The following WDR75 variants were observed in gnomAD, a reference collection of about 807,000 sequenced individuals.
WDR75 encodes WD repeat domain 75.
Under a neutral mutation model 106.1 loss-of-function variants are expected in WDR75, and 52 were observed. That is an observed-to-expected ratio of 0.49 (90% CI 0.39 to 0.62). The LOEUF (loss-of-function observed/expected upper bound fraction) is 0.62, where lower values mean the gene tolerates loss of function less well. Among genes scored for constraint, WDR75 ranks in the 20% least tolerant of loss-of-function variants. The probability of loss-of-function intolerance (pLI) is 0.00; values close to 1 mark genes in which losing one functional copy is unlikely to be tolerated. For missense variants in WDR75, 905 were observed against 970.3 expected, an observed-to-expected ratio of 0.93 and a Z score of 0.89; for synonymous variants, 333 against 335.5, an observed-to-expected ratio of 0.99 and a Z score of 0.08.
intron 12 of WDR75, among the ~76,000 whole-genome samples, chr2:189,466,147 T>C (rs1414900726): frequency 6.6e-6 from 1 of 152,172 alleles, no homozygotes; most frequent in Non-Finnish European, 1.5e-5. Flanking sequence ...GTATCATTGA[T>C]TGGTGACCTG....
At chr2:189,464,053 A>T (rs1686952713) in intron 11 of WDR75, 92 bp downstream of exon 11, 3 of 1,023,080 alleles carry the variant, frequency 2.9e-6, no homozygotes, top group Non-Finnish European at 4.4e-6. Flanking sequence ...TTAAAACAAG[A>T]TCCTGTGCAT....
Position 189,468,577 on chromosome 2 carries a change from A to AT in WDR75, c.1723+14dup. 2 of 1,612,584 alleles carry AT rather than the reference A, an allele frequency of 1.2e-6. No individual in the cohort carries two copies. The highest frequency in any genetic ancestry group is 1.7e-6 in the Non-Finnish European group (2 of 1,178,922). ...ATCTGCTGAGCTGTGCATGTAAGAT[A>AT]TTTTTTACTCTAAAGTGATCTGGCA... is the stretch of plus-strand genomic sequence containing the variant. On this transcript the variant is annotated intron_variant, in intron 15 of 20. Coordinates refer to ENST00000314761, the MANE Select transcript of WDR75 (RefSeq NM_032168.3).
At chr2:189,472,888 C>A (rs1687143687) in intron 18 of WDR75, among the ~76,000 whole-genome samples, 1 of 150,824 alleles carries the variant, frequency 6.6e-6, no homozygotes, top group South Asian at 2.1e-4. Flanking sequence ...TGTATTCTTA[C>A]AATAAAGTAT....
chr2:189,457,924 C>CTTTTT (rs11395971), intron 6 of WDR75, among the ~76,000 whole-genome samples: 12 of 116,348 alleles, frequency 1.0e-4, no homozygotes, highest in Non-Finnish European at 1.5e-4. Flanking sequence ...GCCAAGATTG[C>CTTTTT]TTTTTTTTTT....
chr2:189,447,663 A>G (rs1020286507), intron 1 of WDR75, among the ~76,000 whole-genome samples: 1 of 152,212 alleles, frequency 6.6e-6, no homozygotes, highest in Non-Finnish European at 1.5e-5. Flanking sequence ...ACAAACAGTC[A>G]AGAGATATGA....
At chr2:189,464,989 A>G in intron 11 of WDR75, 90 bp from the exon 12 acceptor site, 1 of 987,300 alleles carries the variant, frequency 1.0e-6, no homozygotes. Context: ...GTTGTCTTGG[A>G]TGTAGTTAAT....
At chr2:189,455,520 G>T in intron 5 of WDR75, 76 bp downstream of exon 5, 1 of 1,508,756 alleles carries the variant, frequency 6.6e-7, no homozygotes, top group Non-Finnish European at 8.9e-7. Flanking sequence ...AGCATTTTAT[G>T]TTACAGTGAT....
intron 1 of WDR75, 112 bp from the exon 2 acceptor site, chr2:189,448,267 T>G: frequency 1.6e-6 from 2 of 1,231,116 alleles, no homozygotes; most frequent in Non-Finnish European, 2.2e-6. Context: ...GCGTATCACT[T>G]GAGGCCAGGA....
Position 189,466,200 on chromosome 2 carries a change from T to C in WDR75, c.1290-225T>C, listed in dbSNP as rs75505065. 3.5e-3 allele frequency among the ~76,000 whole-genome samples: 531 copies of C among 152,278 alleles called. 6 individuals are homozygous for C. The highest frequency in any genetic ancestry group is 0.012 in the African/African-American group (495 of 41,558). Reference sequence around the variant, plus strand: ...ACCAATGTACTAGTGGGTTGACTACTACACAGAATGTTCTCTAAAGTCACA... The same window carrying C: ...ACCAATGTACTAGTGGGTTGACTACCACACAGAATGTTCTCTAAAGTCACA... On this transcript the variant is annotated intron_variant, in intron 12 of 20. Transcript: ENST00000314761.
intron 2 of WDR75, chr2:189,449,140 C>A: frequency 2.8e-6 from 2 of 711,592 alleles, no homozygotes; most frequent in Non-Finnish European, 4.2e-6. Context: ...ATGAAATGGT[C>A]ATGTTAATTC....
chr2:189,472,339 C>T (rs1343207297), intron 18 of WDR75, among the ~76,000 whole-genome samples: 1 of 152,114 alleles, frequency 6.6e-6, no homozygotes, highest in Non-Finnish European at 1.5e-5. Flanking sequence ...CTGACTTTTT[C>T]TCTGAGTTAC....
chr2:189,462,413 G>A (rs1686908858), intron 8 of WDR75, 71 bp from the exon 9 acceptor site: 1 of 1,551,282 alleles, frequency 6.4e-7, no homozygotes, highest in Non-Finnish European at 8.8e-7. Flanking sequence ...AAACAAAAGT[G>A]TTAATTATAT....
rs1232273604 is a variant in WDR75 at position 189,451,859 on chromosome 2, G to A, written c.337G>A (p.Asp113Asn). 1 of 1,613,660 alleles carries A rather than the reference G, an allele frequency of 6.2e-7. No homozygotes were observed. Among genetic ancestry groups the A allele is most frequent in the Non-Finnish European group, 8.5e-7 (1 of 1,179,868 alleles). ...CCTCTTTACTCTTGCCCAAGCTGAG[G>A]ATTCTGTCTTTGTTATAGTGAATAA... is the stretch of plus-strand genomic sequence containing the variant. ...HALFTLAQAE[D>N]SVFVIVNKEK... is the part of the protein sequence containing the mutation. The change falls in exon 4 of 21, where the codon GAT becomes AAT. Residue 113 changes from aspartate (D) to asparagine (N), a missense_variant. Coordinates refer to ENST00000314761, the MANE Select transcript of WDR75 (RefSeq NM_032168.3).
At chr2:189,459,863 T>C (rs780276360) in intron 8 of WDR75, among the ~76,000 whole-genome samples, 2 of 152,212 alleles carry the variant, frequency 1.3e-5, no homozygotes, top group Non-Finnish European at 2.9e-5. Context: ...ATAATTAACT[T>C]GCCTAACATG....
At chr2:189,463,069 T>C (rs1686931833) in intron 9 of WDR75, among the ~76,000 whole-genome samples, 1 of 152,164 alleles carries the variant, frequency 6.6e-6, no homozygotes, top group South Asian at 2.1e-4. Flanking sequence ...AGAGGCAGTC[T>C]TATATTTCTC....
chr2:189,471,089 A>G (rs1296155809), intron 18 of WDR75, among the ~76,000 whole-genome samples: 1 of 152,150 alleles, frequency 6.6e-6, no homozygotes, highest in Non-Finnish European at 1.5e-5. Context: ...ATTCTGATTT[A>G]AAGAGTCAAA....
chr2:189,461,107 T>C (rs1686872856), intron 8 of WDR75, among the ~76,000 whole-genome samples: 1 of 152,244 alleles, frequency 6.6e-6, no homozygotes, highest in South Asian at 2.1e-4. Flanking sequence ...AGTCTTCTGT[T>C]TAGCTAGATT....
intron 2 of WDR75, chr2:189,450,111 G>A: frequency 3.1e-6 from 3 of 955,796 alleles, no homozygotes; most frequent in Non-Finnish European, 3.7e-6. Flanking sequence ...CAGAATGTGA[G>A]TGTCACAAAA....
At chr2:189,450,590 T>G (rs1304094392) in intron 2 of WDR75, 1 of 1,131,582 alleles carries the variant, frequency 8.8e-7, no homozygotes, top group African/African-American at 1.7e-5. Context: ...GTGCTGAGAT[T>G]ACAGGTGGCA....
Sources: allele counts gnomAD v4.1 joint callset (sites outside exome capture counted in the v4.1 genomes callset), GRCh38; gene constraint gnomAD v4.1.1; transcripts MANE v1.5; gene names NCBI Gene and HGNC (gene_info 2026-07-23, HGNC 2026-07-21).